AGBL4: variants seen among roughly 807,000 people sequenced by gnomAD.
AGBL4 encodes cytosolic carboxypeptidase 6.
AGBL4 carries 58 observed loss-of-function variants against 66.4 expected under a neutral mutation model. The observed-to-expected ratio is 0.87, with a 90% CI of 0.71 to 1.09. The LOEUF is 1.09. Ranked by LOEUF, AGBL4 falls within the 50% of genes least tolerant of loss-of-function variation. AGBL4 has a pLI of 0.00. For synonymous variants in AGBL4, 234 were observed against 222.9 expected, an observed-to-expected ratio of 1.05 and a Z score of -0.44; for missense variants, 579 against 631.0, an observed-to-expected ratio of 0.92 and a Z score of 0.88.
chr1:48,562,661 T>C (rs1306098735), intron 11 of AGBL4, among the ~76,000 whole-genome samples: 1 of 152,120 alleles, frequency 6.6e-6, no homozygotes, highest in Non-Finnish European at 1.5e-5. Flanking sequence ...ACAGAACAAG[T>C]TGGAGAAAAT....
chr1:49,959,147 G>A (rs1386356196), intron 1 of AGBL4, among the ~76,000 whole-genome samples: 6 of 151,956 alleles, frequency 3.9e-5, no homozygotes, highest in African/African-American at 1.2e-4. Context: ...GGAACTAGCA[G>A]AGACAAATCA....
At chr1:49,359,295 G>T (rs1488622729) in intron 3 of AGBL4, among the ~76,000 whole-genome samples, 1 of 152,180 alleles carries the variant, frequency 6.6e-6, no homozygotes. Flanking sequence ...TAGCAGCTCA[G>T]ACACTTATCA....
Position 49,655,590 on chromosome 1 carries a change from A to C in AGBL4, c.282+41723T>G, listed in dbSNP as rs534307191. Among the ~76,000 whole-genome samples, 4 of 152,326 alleles carry C rather than the reference A, an allele frequency of 2.6e-5. No homozygotes were observed. The South Asian group carries it at 8.3e-4, about 32-fold the overall frequency. ...GAAATTTATAGCACTAAATGCCTAC[A>C]AGAGAAAGCAGGACAGATCTAAAAT... On this transcript the variant is annotated intron_variant, in intron 3 of 13. Transcript: ENST00000371839.
intron 4 of AGBL4, among the ~76,000 whole-genome samples, chr1:49,225,067 C>G (rs542669579): frequency 5.3e-5 from 8 of 152,124 alleles, no homozygotes; most frequent in South Asian, 4.2e-4. Context: ...ATGATAACAA[C>G]GGAAAAATAA....
At chr1:49,957,384 G>A (rs996841599) in intron 1 of AGBL4, among the ~76,000 whole-genome samples, 13 of 152,086 alleles carry the variant, frequency 8.5e-5, no homozygotes, top group African/African-American at 3.1e-4. Flanking sequence ...TCTGCTTGGT[G>A]CAGAGCTGAG....
intron 3 of AGBL4, among the ~76,000 whole-genome samples, chr1:49,370,941 T>C (rs567748556): frequency 2.0e-5 from 3 of 152,238 alleles, no homozygotes; most frequent in African/African-American, 7.2e-5. Flanking sequence ...CCTCATCCAA[T>C]CAGTTGAAAG....
chr1:48,898,945 GC>G (rs1173586685), intron 5 of AGBL4, among the ~76,000 whole-genome samples: 1 of 152,094 alleles, frequency 6.6e-6, no homozygotes, highest in Admixed American at 6.5e-5. Flanking sequence ...ACGAGGGAGC[GC>G]CCATGGTACC....
chr1:49,226,496 T>C (rs1649923363), intron 4 of AGBL4, among the ~76,000 whole-genome samples: 1 of 152,176 alleles, frequency 6.6e-6, no homozygotes, highest in Non-Finnish European at 1.5e-5. Flanking sequence ...CTCTATACCC[T>C]TCCTTAATGT....
At chr1:48,990,433 G>C (rs1660516041) in intron 5 of AGBL4, among the ~76,000 whole-genome samples, 2 of 151,956 alleles carry the variant, frequency 1.3e-5, no homozygotes, top group African/African-American at 4.8e-5. Flanking sequence ...GCTTGTGCTT[G>C]CGGGGTACTG....
At chr1:49,980,995 C>T (rs1187359653) in intron 1 of AGBL4, among the ~76,000 whole-genome samples, 1 of 152,090 alleles carries the variant, frequency 6.6e-6, no homozygotes, top group East Asian at 1.9e-4. Context: ...ATGTCATTTG[C>T]ACTTGGTATT....
intron 5 of AGBL4, among the ~76,000 whole-genome samples, chr1:48,964,593 C>A: frequency 6.6e-6 from 1 of 152,034 alleles, no homozygotes; most frequent in East Asian, 1.9e-4. Flanking sequence ...GATATGAATT[C>A]CTTCTCTTTT....
At chr1:48,898,831 A>G (rs1257271461) in intron 5 of AGBL4, among the ~76,000 whole-genome samples, 1 of 152,202 alleles carries the variant, frequency 6.6e-6, no homozygotes, top group Non-Finnish European at 1.5e-5. Context: ...GATCCACAAA[A>G]AGGGAGAGAC....
intron 6 of AGBL4, among the ~76,000 whole-genome samples, chr1:48,753,094 C>T (rs1332367589): frequency 6.6e-6 from 1 of 152,210 alleles, no homozygotes; most frequent in East Asian, 1.9e-4. Context: ...ATCATTCACT[C>T]TCTTGTACAG....
chr1:49,423,022 C>T (rs1645577978), intron 3 of AGBL4: 1 of 152,202 alleles, frequency 6.6e-6, no homozygotes, highest in Admixed American at 6.5e-5. Flanking sequence ...GATATGTTCA[C>T]CTCTTCTAAG....
At position 49,786,891 on chromosome 1, in the gene AGBL4, G is replaced by T. The variant is rs536819650; in HGVS notation, c.157+64505C>A. 2.0e-5 allele frequency among the ~76,000 whole-genome samples: 3 copies of T among 152,224 alleles called. No individual in the cohort carries two copies. The East Asian group carries it at 5.8e-4, about 29-fold the overall frequency. The stretch of plus-strand genomic sequence containing the variant: ...TTCTACTTTCTACATTACTGCAGTG[G>T]CAGTGTTGGTAAATTTTCCATCACT... On this transcript the variant is annotated intron_variant, in intron 2 of 13. Coordinates refer to ENST00000371839, the MANE Select transcript of AGBL4 (RefSeq NM_032785.4).
chr1:49,194,906 T>C (rs1647197743), intron 4 of AGBL4, among the ~76,000 whole-genome samples: 1 of 151,842 alleles, frequency 6.6e-6, no homozygotes, highest in African/African-American at 2.4e-5. Flanking sequence ...GGTGTGATAA[T>C]AGCTCACTAT....
At chr1:49,833,372 T>A (rs1020593654) in intron 2 of AGBL4, among the ~76,000 whole-genome samples, 132 of 152,208 alleles carry the variant, frequency 8.7e-4, no homozygotes, top group African/African-American at 3.1e-3. Flanking sequence ...TTGGTACCAG[T>A]ACCATGCTGT....
chr1:48,949,970 C>CA (rs1656829128), intron 5 of AGBL4, among the ~76,000 whole-genome samples: 1 of 152,054 alleles, frequency 6.6e-6, no homozygotes, highest in South Asian at 2.1e-4. Flanking sequence ...AGGCAGAAGA[C>CA]AAAAATAAAG....
intron 4 of AGBL4, among the ~76,000 whole-genome samples, chr1:49,085,217 A>C (rs1644883396): frequency 3.3e-5 from 5 of 151,992 alleles, no homozygotes; most frequent in Non-Finnish European, 1.5e-5. Context: ...CCTGCCTTGG[A>C]CATTGACATT....
Sources: gnomAD v4.1 joint callset for allele counts (sites outside exome capture counted in the v4.1 genomes callset) on GRCh38, gnomAD v4.1.1 for gene constraint, MANE v1.5 for transcripts, NCBI Gene and HGNC (gene_info 2026-07-23, HGNC 2026-07-21) for gene names.